The following MMD2 variants were observed in gnomAD, a reference collection of about 807,000 sequenced individuals.
MMD2 encodes the protein monocyte to macrophage differentiation associated 2, also known as monocyte to macrophage differentiation factor 2.
Under a neutral mutation model 33.5 loss-of-function variants are expected in MMD2, and 30 were observed. The ratio of observed to expected loss-of-function variants is 0.90; its 90% confidence interval spans 0.67 to 1.22. The LOEUF is 1.22. Among genes scored for constraint, MMD2 ranks in the 50% most tolerant of loss-of-function variants. The pLI is 0.00. For missense variants in MMD2, 364 were observed against 325.4 expected (o/e 1.12, Z -0.91); for synonymous variants, 129 against 123.0 (o/e 1.05, Z -0.32).
chr7:4,916,019 AG>A lies in MMD2; in HGVS notation c.350del (p.Ala117ValfsTer7). 6.2e-7 allele frequency: 1 copy of A among 1,613,912 alleles called. No individual in the cohort carries two copies. The highest frequency in any genetic ancestry group is 1.1e-5 in the South Asian group (1 of 91,084). ...ACGGTACTCACCAGGGTGCGTAGGA[AG>A]CCGCTATGAAGAAATAGATGACCAT... ...DRMVIYFFIA[A>X]SYAPWLNLRE... On this transcript the variant is annotated frameshift_variant, in exon 4 of 7. Transcript: ENST00000401401. LOFTEE classifies it high-confidence loss of function.
chr7:4,920,352 G>A (rs750401194), intron 2 of MMD2, 21 bp from the exon 3 acceptor site: 2 of 1,599,926 alleles, frequency 1.3e-6, no homozygotes, highest in Admixed American at 3.5e-5. Flanking sequence ...AGGGACGGCA[G>A]GGACAGGTGC....
the MMD2 span, among the ~76,000 whole-genome samples, chr7:4,899,313 T>G: frequency 6.6e-6 from 1 of 152,108 alleles, no homozygotes; most frequent in Non-Finnish European, 1.5e-5. Context: ...CAGGATAGGA[T>G]AGGATAGCAA....
chr7:4,947,196 A>G (rs529690942), intron 1 of MMD2, among the ~76,000 whole-genome samples: 2 of 152,102 alleles, frequency 1.3e-5, no homozygotes, highest in South Asian at 4.2e-4. Flanking sequence ...TGACAGAGCA[A>G]GACTCCGTCT....
At chr7:4,931,902 C>G (rs1027367827) in intron 1 of MMD2, among the ~76,000 whole-genome samples, 9 of 152,270 alleles carry the variant, frequency 5.9e-5, no homozygotes, top group Admixed American at 5.2e-4. Flanking sequence ...CCCAAAAGCC[C>G]TCCAGGAGGC....
At chr7:4,914,465 C>T (rs1200459864) in intron 4 of MMD2, among the ~76,000 whole-genome samples, 7 of 152,166 alleles carry the variant, frequency 4.6e-5, no homozygotes, top group African/African-American at 1.7e-4. Context: ...AAAATGTATT[C>T]TCCCTGTTTA....
At chr7:4,900,661 T>C in the MMD2 span, among the ~76,000 whole-genome samples, 1 of 152,014 alleles carries the variant, frequency 6.6e-6, no homozygotes, top group Non-Finnish European at 1.5e-5. Flanking sequence ...TGAGACGGGA[T>C]GGTATACCCT....
At chr7:4,910,121 C>T in intron 5 of MMD2, 171 bp from the exon 6 acceptor site, 1 of 1,454,916 alleles carries the variant, frequency 6.9e-7, no homozygotes, top group Admixed American at 1.9e-5. Flanking sequence ...CTACATCCAA[C>T]AGGTGCTGGC....
chr7:4,897,308 G>A, the MMD2 span, among the ~76,000 whole-genome samples: 2 of 148,828 alleles, frequency 1.3e-5, no homozygotes, highest in Admixed American at 6.7e-5. Flanking sequence ...CTACTCCATT[G>A]GAAACAATAA....
intron 1 of MMD2, among the ~76,000 whole-genome samples, chr7:4,950,709 C>T (rs113439922): frequency 0.032 from 4,350 of 137,602 alleles, 212 homozygotes; most frequent in African/African-American, 0.11. Context: ...AATTTCTTTC[C>T]TTCTTTTTTT....
At chr7:4,905,682 G>C (rs1462081140), downstream of MMD2, among the ~76,000 whole-genome samples, 1 of 152,012 alleles carries the variant, frequency 6.6e-6, no homozygotes, top group Admixed American at 6.6e-5. This position sits in a 1 kb window ranked among gnomAD's most constrained non-coding sequence, Gnocchi z 5.0. Flanking sequence ...CCCAGGCCCA[G>C]GCAGAGGTCA....
intron 4 of MMD2, among the ~76,000 whole-genome samples, chr7:4,912,935 C>A (rs1785053229): frequency 6.6e-6 from 1 of 152,086 alleles, no homozygotes; most frequent in Non-Finnish European, 1.5e-5. Context: ...AACTCCTGAC[C>A]TCAGGTGATC....
chr7:4,936,208 A>G (rs983918929), intron 1 of MMD2, among the ~76,000 whole-genome samples: 2 of 151,962 alleles, frequency 1.3e-5, no homozygotes, highest in Non-Finnish European at 2.9e-5. Context: ...AAAGGAAAAA[A>G]AAATGTAAAG....
chr7:4,921,620 C>CAAA (rs1209184282), intron 2 of MMD2, among the ~76,000 whole-genome samples: 1 of 67,442 alleles, frequency 1.5e-5, no homozygotes, highest in Non-Finnish European at 3.3e-5. Context: ...GACTCTGTCT[C>CAAA]AAAAAAAAAA....
rs765356294 is a variant in MMD2, at chr7:4,956,480, G to A, written c.47+2491C>T. 3.7e-4 allele frequency among the ~76,000 whole-genome samples: 56 copies of A among 151,830 alleles called. 1 individual carries two copies. The highest frequency in any genetic ancestry group is 4.1e-4 in the Non-Finnish European group (28 of 67,988). On this transcript the variant is annotated intron_variant, in intron 1 of 6. Transcript: ENST00000401401. Reference sequence around the variant, plus strand: ...GCCTTTACTACAGACCTAATTTGTGGACTGTACAGTTGTAAAGACTGCACA... The same window carrying A: ...GCCTTTACTACAGACCTAATTTGTGAACTGTACAGTTGTAAAGACTGCACA...
chr7:4,948,596 C>T (rs977448557), intron 1 of MMD2, among the ~76,000 whole-genome samples: 5 of 151,830 alleles, frequency 3.3e-5, no homozygotes, highest in East Asian at 1.9e-4. Context: ...GGAGGCGGGG[C>T]CTCTGGAAAA....
intron 4 of MMD2, among the ~76,000 whole-genome samples, chr7:4,912,434 C>T (rs1329690802): frequency 6.6e-6 from 1 of 151,402 alleles, no homozygotes; most frequent in Admixed American, 6.6e-5. Flanking sequence ...TGGTGTCGGG[C>T]GCCTGTAGTC....
chr7:4,915,809 G>C (rs1266259462), intron 4 of MMD2, among the ~76,000 whole-genome samples, 196 bp downstream of exon 4: 1 of 151,958 alleles, frequency 6.6e-6, no homozygotes, highest in African/African-American at 2.4e-5. Flanking sequence ...CAAGAAGTGA[G>C]TTATTTTCTG....
chr7:4,909,611 T>A (rs1207962587), intron 6 of MMD2: 1 of 636,010 alleles, frequency 1.6e-6, no homozygotes, highest in Non-Finnish European at 2.8e-6. Context: ...GGCTAATTTT[T>A]TTTTTTTTAG....
At chr7:4,937,682 AT>A (rs1785780366) in intron 1 of MMD2, among the ~76,000 whole-genome samples, 1 of 152,002 alleles carries the variant, frequency 6.6e-6, no homozygotes, top group Non-Finnish European at 1.5e-5. Flanking sequence ...CTAATTTTTA[AT>A]TTTTTGTAGA....
Sources: gnomAD v4.1 joint callset for allele counts (sites outside exome capture counted in the v4.1 genomes callset) on GRCh38, gnomAD v4.1.1 for gene constraint, Gnocchi (gnomAD v3.1) non-coding constraint, MANE v1.5 for transcripts, NCBI Gene and HGNC (gene_info 2026-07-23, HGNC 2026-07-21) for gene names.